The following HOXA3 variants were observed in gnomAD, a reference collection of about 807,000 sequenced individuals.
HOXA3 encodes homeobox protein Hox-A3.
A neutral mutation model predicts 30.3 loss-of-function variants in HOXA3; 8 were observed. That is an observed-to-expected ratio of 0.26 (90% CI 0.15 to 0.48). The LOEUF (loss-of-function observed/expected upper bound fraction) is 0.48, where lower values mean the gene tolerates loss of function less well. Among genes scored for constraint, HOXA3 ranks in the 20% least tolerant of loss-of-function variants. The probability of loss-of-function intolerance (pLI) is 0.99; values close to 1 mark genes in which losing one functional copy is unlikely to be tolerated. For missense variants in HOXA3, 653 were observed against 614.4 expected (o/e 1.06, Z -0.66); for synonymous variants, 323 against 273.1 (o/e 1.18, Z -1.80).
intron 2 of HOXA3, chr7:27,128,449 G>C (rs1025511183): frequency 6.6e-6 from 1 of 152,238 alleles, no homozygotes; most frequent in Admixed American, 6.5e-5. Context: ...TACATGCAAG[G>C]TCAAGTATCT....
At chr7:27,143,295 C>T (rs1782640257) in intron 1 of HOXA3, 2 of 1,602,234 alleles carry the variant, frequency 1.2e-6, no homozygotes, top group Non-Finnish European at 8.5e-7. Context: ...GGGGCCACGG[C>T]GGAGCAGGGC....
chr7:27,108,682 C>T lies in HOXA3; in HGVS notation c.565G>A (p.Ala189Thr). 6.2e-7 allele frequency: 1 copy of T among 1,608,474 alleles called. No individual in the cohort carries two copies. Among genetic ancestry groups the T allele is most frequent in the Non-Finnish European group, 8.5e-7 (1 of 1,175,944 alleles). ...GCCGTGCGCGCGCGCTTGGACGAAG[C>T]CTGCCCCGGCGGGCTCTTGTCGCCA... ...CAGDKSPPGQ[A>T]SSKRARTAYT... Residue 189 changes from alanine to threonine, a missense_variant, in exon 6 of 6, where the codon GCT becomes ACT. Coordinates refer to ENST00000612286, the MANE Select transcript of HOXA3 (RefSeq NM_153631.3). This position sits in a 1 kb window ranked among gnomAD's most constrained non-coding sequence, Gnocchi z 5.0.
At chr7:27,126,272 G>C (rs541656078) in intron 3 of HOXA3, among the ~76,000 whole-genome samples, 1 of 152,218 alleles carries the variant, frequency 6.6e-6, no homozygotes, top group African/African-American at 2.4e-5. Context: ...TTTTGTCTCC[G>C]GAGTCATGCA....
At chr7:27,143,476 C>A (rs774027410) in intron 1 of HOXA3, 8 of 1,613,884 alleles carry the variant, frequency 5.0e-6, no homozygotes, top group Non-Finnish European at 6.8e-6. Context: ...CGTAGCCGTA[C>A]CTGCCGGAGT....
In HOXA3 at chr7:27,152,518, C is replaced by G. The variant is rs1315079747; in HGVS notation, c.-724G>C. On this transcript the variant is annotated 5_prime_UTR_variant, in exon 1 of 6. Coordinates refer to ENST00000612286, the MANE Select transcript of HOXA3 (RefSeq NM_153631.3). ...CTTCGCTCGCCATCTCCGGACAAAG[C>G]ACAGCCGAGCCCGGCTGGAAGGCAG... is the stretch of plus-strand genomic sequence containing the variant. The G allele has an allele frequency of 8.5e-7, 1 of 1,178,518 alleles. No individual in the cohort carries two copies. The highest frequency in any genetic ancestry group is 3.9e-5 in the Admixed American group (1 of 25,662). The allele number at this position is 1,178,518 out of a possible 1,614,324, so 73.0% of individuals were successfully genotyped here.
chr7:27,139,481 C>G (rs1312122335), intron 2 of HOXA3, among the ~76,000 whole-genome samples: 2 of 152,232 alleles, frequency 1.3e-5, no homozygotes, highest in Non-Finnish European at 2.9e-5. Context: ...CGCGAGCTAG[C>G]CTGAAACCCG....
At chr7:27,149,903 TTCC>T (rs1427023732) in intron 1 of HOXA3, 2 of 152,220 alleles carry the variant, frequency 1.3e-5, no homozygotes, top group African/African-American at 4.8e-5. Flanking sequence ...CATTTATGAT[TTCC>T]TTTTCATTCC....
chr7:27,143,554 G>T, intron 1 of HOXA3: 1 of 1,608,210 alleles, frequency 6.2e-7, no homozygotes, highest in Non-Finnish European at 8.5e-7. Flanking sequence ...GCAACTGGTA[G>T]TCCGGGCCAT....
chr7:27,126,434 G>T (rs1785286240), intron 3 of HOXA3, among the ~76,000 whole-genome samples: 1 of 147,588 alleles, frequency 6.8e-6, no homozygotes, highest in Admixed American at 6.6e-5. Context: ...GGGCCAGTAG[G>T]GTTTGCTTAA....
intron 4 of HOXA3, chr7:27,116,576 C>T (rs959107658): frequency 6.6e-6 from 1 of 152,158 alleles, no homozygotes; most frequent in African/African-American, 2.4e-5. Context: ...TCTCACTGTG[C>T]ATGCTTTTAT....
In HOXA3 at chr7:27,129,278, G is replaced by A. The variant is rs765405398; in HGVS notation, c.-389-2208C>T. On this transcript the variant is annotated intron_variant, in intron 2 of 5. Transcript: ENST00000612286. ...GTGCTCGGGTGGGGGTGGGGATGGA[G>A]GTGTGGGCTCTGAGTTTGTGCTTTC... 9.3e-6 allele frequency: 15 copies of A among 1,613,730 alleles called. No individual in the cohort carries two copies. In the East Asian group the frequency reaches 2.9e-4, roughly 31 times the overall value.
At chr7:27,149,299 A>G (rs1222495246) in intron 1 of HOXA3, among the ~76,000 whole-genome samples, 1 of 152,270 alleles carries the variant, frequency 6.6e-6, no homozygotes, top group Non-Finnish European at 1.5e-5. Context: ...GGTTGAAGAA[A>G]GACTATTTAC....
At chr7:27,132,784 T>G (rs1785600895) in intron 2 of HOXA3, among the ~76,000 whole-genome samples, 1 of 152,130 alleles carries the variant, frequency 6.6e-6, no homozygotes, top group Admixed American at 6.5e-5. Flanking sequence ...AAATAATATA[T>G]AGACATACGT....
intron 1 of HOXA3, chr7:27,142,936 G>C (rs533347390): frequency 9.6e-7 from 1 of 1,044,896 alleles, no homozygotes; most frequent in African/African-American, 1.7e-5. Context: ...GCTCCGCAGG[G>C]CTGGGAGAAA....
chr7:27,108,814 A>C lies in HOXA3; in HGVS notation c.527-94T>G. On this transcript the variant is annotated intron_variant, in intron 5 of 5. Coordinates refer to ENST00000612286, the MANE Select transcript of HOXA3 (RefSeq NM_153631.3). This position sits in a 1 kb window ranked among gnomAD's most constrained non-coding sequence, Gnocchi z 5.0. Reference sequence around the variant, plus strand: ...CCGGCCCCTCCTTCCACCAGGCCCCAAAGGTTCCTGCATCCGTCAGGTCCC... The same window carrying C: ...CCGGCCCCTCCTTCCACCAGGCCCCCAAGGTTCCTGCATCCGTCAGGTCCC... The C allele has an allele frequency of 1.1e-6, 1 of 918,944 alleles. No individual in the cohort carries two copies. The highest frequency in any genetic ancestry group is 1.7e-5 in the African/African-American group (1 of 59,002). The allele number at this position is 918,944 out of a possible 1,614,324, so 56.9% of individuals were successfully genotyped here.
intron 1 of HOXA3, chr7:27,141,714 T>G (rs1173374353): frequency 4.0e-6 from 5 of 1,256,602 alleles, no homozygotes; most frequent in Non-Finnish European, 4.4e-6. Context: ...AAAGATGAAT[T>G]AGGGCAACGA....
chr7:27,146,840 A>G (rs1009803708), intron 1 of HOXA3, among the ~76,000 whole-genome samples: 2 of 152,180 alleles, frequency 1.3e-5, no homozygotes, highest in African/African-American at 4.8e-5. Flanking sequence ...GGCTTTGGGG[A>G]GACACTGGAA....
intron 2 of HOXA3, chr7:27,129,051 C>A: frequency 3.0e-6 from 2 of 668,808 alleles, no homozygotes; most frequent in Non-Finnish European, 5.3e-6. Flanking sequence ...TGGGTGGCAA[C>A]CAGCACAGAC....
intron 1 of HOXA3, chr7:27,151,267 T>G: frequency 3.7e-6 from 1 of 273,370 alleles, no homozygotes; most frequent in South Asian, 3.2e-5. Flanking sequence ...TCTGGTCTGA[T>G]GTGCACTTAG....
Sources: gnomAD v4.1 joint callset for allele counts (sites outside exome capture counted in the v4.1 genomes callset) on GRCh38, gnomAD v4.1.1 for gene constraint, Gnocchi (gnomAD v3.1) non-coding constraint, MANE v1.5 for transcripts, NCBI Gene and HGNC (gene_info 2026-07-23, HGNC 2026-07-21) for gene names.